SLC1A2: variants seen among roughly 807,000 people sequenced by gnomAD.
SLC1A2 encodes the protein excitatory amino acid transporter 2.
A neutral mutation model predicts 48.8 loss-of-function variants in SLC1A2; 15 were observed. The observed-to-expected ratio is 0.31, with a 90% CI of 0.21 to 0.47. The LOEUF (loss-of-function observed/expected upper bound fraction) is 0.47. SLC1A2 is among the 20% of genes least tolerant of loss of function. The pLI, the probability that SLC1A2 is intolerant of heterozygous loss-of-function variation, is 0.99. For missense variants in SLC1A2, 502 were observed against 730.5 expected (o/e 0.69, Z 3.61); for synonymous variants, 279 against 272.6 (o/e 1.02, Z -0.23).
intron 1 of SLC1A2, among the ~76,000 whole-genome samples, chr11:35,399,855 A>G (rs1855084875): frequency 6.6e-6 from 1 of 152,262 alleles, no homozygotes; most frequent in Non-Finnish European, 1.5e-5. Flanking sequence ...GACAATTTCA[A>G]CATAGGGTGA....
rs938296443 is a variant in SLC1A2 at position 35,255,139 on chromosome 11, C to T, written c.*5755G>A. The T allele has an allele frequency of 1.9e-5, 5 of 257,236 alleles. No individual in the cohort carries two copies. The highest frequency in any genetic ancestry group is 9.1e-5 in the African/African-American group (4 of 43,764). 15.9% of individuals were successfully genotyped at this position (257,236 alleles called of 1,614,324 possible). A position where few individuals can be genotyped will look rare whatever the true frequency, so the allele number is the denominator to read the frequency against. ...CCTGAAGAGCTGAAGTCTTCTCTGACAACAAAGGAGTTCACAACACAACAA... is the reference window on the plus strand; with the variant it reads ...CCTGAAGAGCTGAAGTCTTCTCTGATAACAAAGGAGTTCACAACACAACAA... On this transcript the variant is annotated 3_prime_UTR_variant, in exon 11 of 11. Coordinates refer to ENST00000278379, the MANE Select transcript of SLC1A2 (RefSeq NM_004171.4).
intron 1 of SLC1A2, among the ~76,000 whole-genome samples, chr11:35,411,803 A>T (rs549636544): frequency 6.6e-6 from 1 of 152,330 alleles, no homozygotes; most frequent in South Asian, 2.1e-4. Context: ...TAGGTTTGAC[A>T]ATCATTTTCA....
intron 6 of SLC1A2, among the ~76,000 whole-genome samples, chr11:35,300,221 A>G (rs1044433346): frequency 2.0e-5 from 3 of 152,224 alleles, no homozygotes; most frequent in Non-Finnish European, 4.4e-5. Context: ...TTTGATACCA[A>G]TATGAACTAC....
At chr11:35,399,680 A>G (rs763200412) in intron 1 of SLC1A2, 3 of 822,448 alleles carry the variant, frequency 3.6e-6, no homozygotes, top group African/African-American at 3.7e-5. Flanking sequence ...AGCTCTTTCC[A>G]TCTGCAGGGC....
intron 1 of SLC1A2, among the ~76,000 whole-genome samples, chr11:35,379,827 C>T (rs1047188457): frequency 9.2e-5 from 14 of 152,196 alleles, no homozygotes; most frequent in Admixed American, 5.2e-4. Context: ...CAATTACTTA[C>T]GTGGCGAATC....
rs192636575 is a variant in SLC1A2 at position 35,256,990 on chromosome 11, T to C, written c.*3904A>G. 5 of 152,116 alleles carry C rather than the reference T, an allele frequency of 3.3e-5. No individual in the cohort carries two copies. The East Asian group carries it at 9.6e-4, about 29-fold the overall frequency. The allele number at this position is 152,116 out of a possible 1,614,324, so 9.4% of individuals were successfully genotyped here. On this transcript the variant is annotated 3_prime_UTR_variant, in exon 11 of 11. Transcript: ENST00000278379. ...TTGCACAGGTGGCCGAAGCCTTGAT[T>C]CTGACAAAAGTAAAAAAAACTATAA...
Position 35,306,257 on chromosome 11 carries a change from GA to G in SLC1A2, c.562-16del. The G allele has an allele frequency of 6.3e-6, 10 of 1,594,624 alleles. No individual in the cohort carries two copies. Among genetic ancestry groups the G allele is most frequent in the East Asian group, 2.3e-5 (1 of 44,404 alleles). Reference sequence around the variant, plus strand: ...ACTGTTTGAATCTAACAGAGTGAGGGAAAAAAGGCATAGAGCTGAGATTTGG... The same window carrying G: ...ACTGTTTGAATCTAACAGAGTGAGGGAAAAAGGCATAGAGCTGAGATTTGG... On this transcript the variant is annotated splice_polypyrimidine_tract_variant and intron_variant, in intron 4 of 10. Transcript: ENST00000278379.
At chr11:35,361,616 G>A (rs1853683722) in intron 1 of SLC1A2, among the ~76,000 whole-genome samples, 1 of 152,128 alleles carries the variant, frequency 6.6e-6, no homozygotes, top group Non-Finnish European at 1.5e-5. Context: ...GGACAAATGG[G>A]TGAGAACACA....
intron 1 of SLC1A2, chr11:35,391,243 G>A (rs1298061842): frequency 6.6e-6 from 1 of 152,162 alleles, no homozygotes; most frequent in East Asian, 1.9e-4. Context: ...TTATGATACA[G>A]ACTGTATGGC....
intron 6 of SLC1A2, chr11:35,298,169 T>A (rs1276758813): frequency 6.6e-6 from 1 of 152,208 alleles, no homozygotes; most frequent in African/African-American, 2.4e-5. Flanking sequence ...AATGAGCTAA[T>A]GCATGTAAAA....
chr11:35,315,963 T>C (rs960992108), intron 2 of SLC1A2: 5 of 152,258 alleles, frequency 3.3e-5, no homozygotes, highest in African/African-American at 1.2e-4. Context: ...GAACATTTAA[T>C]TGACCAAGCT....
At chr11:35,373,751 A>C (rs1854134193) in intron 1 of SLC1A2, among the ~76,000 whole-genome samples, 1 of 152,226 alleles carries the variant, frequency 6.6e-6, no homozygotes, top group Non-Finnish European at 1.5e-5. Flanking sequence ...GCCATGATAC[A>C]GAGCACTGGG....
At chr11:35,289,266 G>A (rs991839196) in intron 7 of SLC1A2, among the ~76,000 whole-genome samples, 4 of 151,670 alleles carry the variant, frequency 2.6e-5, no homozygotes, top group African/African-American at 9.7e-5. Context: ...CGAGGAGGCA[G>A]GAAGGATATT....
At chr11:35,372,435 C>T (rs1013201682) in intron 1 of SLC1A2, among the ~76,000 whole-genome samples, 5 of 152,178 alleles carry the variant, frequency 3.3e-5, no homozygotes, top group Non-Finnish European at 7.3e-5. Context: ...ATTAGCTTTT[C>T]CTGTTATTTT....
In SLC1A2 at chr11:35,418,972, G is replaced by C; in HGVS notation, c.-6C>G. The stretch of plus-strand genomic sequence containing the variant: ...CACCCTTCCGTAGATGCCATGGTCT[G>C]GGGAACGCCCCCTCCTCTTCAGCAC... On this transcript the variant is annotated 5_prime_UTR_variant, in exon 1 of 11. Coordinates refer to ENST00000278379, the MANE Select transcript of SLC1A2 (RefSeq NM_004171.4). 6.4e-7 allele frequency: 1 copy of C among 1,566,884 alleles called. No individual in the cohort carries two copies. Among genetic ancestry groups the C allele is most frequent in the Non-Finnish European group, 8.7e-7 (1 of 1,154,330 alleles).
chr11:35,377,672 C>A (rs918963771), intron 1 of SLC1A2, among the ~76,000 whole-genome samples: 1 of 152,122 alleles, frequency 6.6e-6, no homozygotes, highest in African/African-American at 2.4e-5. Context: ...CAAGTAGATA[C>A]CAAGAAAGGA....
intron 1 of SLC1A2, among the ~76,000 whole-genome samples, chr11:35,347,241 G>A (rs1228157262): frequency 2.6e-5 from 4 of 152,166 alleles, no homozygotes; most frequent in African/African-American, 9.7e-5. Context: ...GAGAAGAAGT[G>A]CGAAGGAGCA....
At chr11:35,358,906 A>G (rs565857030) in intron 1 of SLC1A2, among the ~76,000 whole-genome samples, 1 of 152,352 alleles carries the variant, frequency 6.6e-6, no homozygotes, top group Admixed American at 6.5e-5. Context: ...GCAAGAGGAA[A>G]GAGAAATACT....
intron 1 of SLC1A2, among the ~76,000 whole-genome samples, chr11:35,337,037 G>A (rs1852661231): frequency 6.6e-6 from 1 of 151,988 alleles, no homozygotes; most frequent in Admixed American, 6.6e-5. Context: ...GATGAAAGTT[G>A]GAAATAAATT....
Sources: allele counts gnomAD v4.1 joint callset (sites outside exome capture counted in the v4.1 genomes callset), GRCh38; gene constraint gnomAD v4.1.1; transcripts MANE v1.5; gene names NCBI Gene and HGNC (gene_info 2026-07-23, HGNC 2026-07-21).